Variants in SHC2 observed in about 807,000 individuals in gnomAD.
SHC2 encodes SHC adaptor protein 2.
A neutral mutation model predicts 60.6 loss-of-function variants in SHC2; 62 were observed. The ratio of observed to expected loss-of-function variants is 1.02; its 90% CI spans 0.83 to 1.26. SHC2 has a LOEUF of 1.26. Among genes scored for constraint, SHC2 ranks in the 50% most tolerant of loss-of-function variants. The pLI is 0.00. For missense variants in SHC2, 873 were observed against 822.2 expected (o/e 1.06, Z -0.76); for synonymous variants, 375 against 372.4 (o/e 1.01, Z -0.08).
intron 9 of SHC2, among the ~76,000 whole-genome samples, chr19:427,388 G>T (rs1026370423): frequency 5.3e-5 from 8 of 152,212 alleles, no homozygotes; most frequent in Admixed American, 4.6e-4. Context: ...AACGAGGGGC[G>T]CCTGCCGCGG....
Position 422,431 on chromosome 19 carries a change from C to A in SHC2, c.1335G>T (p.Leu445Phe). Reference protein sequence around the residue: ...DMRPFEDALKLHECSVAAGVT... With the variant: ...DMRPFEDALKFHECSVAAGVT... The stretch of plus-strand genomic sequence containing the variant: ...CGCCTGCCGCCACTGAGCACTCATG[C>A]AACTTCAGGGCATCCTCAAAGGGTC... The change falls in exon 11 of 13, where the codon TTG becomes TTT. Residue 445 changes from leucine to phenylalanine, a missense_variant. Leu to Phe is a conservative substitution (Grantham distance 22). Transcript: ENST00000264554. This position sits in a 1 kb window ranked among gnomAD's most constrained non-coding sequence, Gnocchi z 5.0. 6.3e-7 allele frequency: 1 copy of A among 1,576,564 alleles called. No homozygotes were observed. The highest frequency in any genetic ancestry group is 8.6e-7 in the Non-Finnish European group (1 of 1,160,756).
chr19:430,456 C>T (rs751296879), intron 9 of SHC2, among the ~76,000 whole-genome samples: 6 of 152,186 alleles, frequency 3.9e-5, no homozygotes, highest in African/African-American at 7.2e-5. Flanking sequence ...AAACCTAATA[C>T]CGTGTGGATA....
chr19:447,457 G>T (rs1006242886), intron 1 of SHC2, among the ~76,000 whole-genome samples: 1 of 152,226 alleles, frequency 6.6e-6, no homozygotes, highest in Admixed American at 6.5e-5. Flanking sequence ...TGGGATTAGG[G>T]TATGCGAATT....
rs530033549 is a variant in SHC2, at chr19:441,850, A to G, written c.469-918T>C. Among the ~76,000 whole-genome samples, 4 of 152,392 alleles carry G rather than the reference A, an allele frequency of 2.6e-5. No individual in the cohort carries two copies. The South Asian group carries it at 8.3e-4, about 32-fold the overall frequency. On this transcript the variant is annotated intron_variant, in intron 1 of 12. Transcript: ENST00000264554. This position sits in a 1 kb window ranked among gnomAD's most constrained non-coding sequence, Gnocchi z 4.9. ...CCACCTCAGTTTCTTTAAATGATCAACACGCAAACACTTTGACCCTGCAGC... is the reference window on the plus strand; with the variant it reads ...CCACCTCAGTTTCTTTAAATGATCAGCACGCAAACACTTTGACCCTGCAGC...
At chr19:437,071 G>A (rs1369642555) in intron 4 of SHC2, among the ~76,000 whole-genome samples, 3 of 152,050 alleles carry the variant, frequency 2.0e-5, no homozygotes, top group Admixed American at 6.5e-5. Context: ...CGGGAGGGAC[G>A]GCCCCACACT....
Position 436,169 on chromosome 19 carries a change from C to A in SHC2, c.949G>T (p.Glu317Ter). The part of the protein sequence containing the change: ...HSPPKVALPP[E>*]RLAGPEESAW... Reference sequence around the variant, plus strand: ...GGGGGAGGCAGCTCTGGTTACCTTTCTGGGGGCAGCGCCACCTTGGGCGGG... The same window carrying A: ...GGGGGAGGCAGCTCTGGTTACCTTTATGGGGGCAGCGCCACCTTGGGCGGG... Residue 317 changes from glutamate (E) to a stop codon, truncating the protein, a stop_gained, in exon 7 of 13, where the codon GAA becomes TAA. Coordinates refer to ENST00000264554, the MANE Select transcript of SHC2 (RefSeq NM_012435.3). LOFTEE classifies it high-confidence loss of function. 1 of 1,611,224 alleles carries A rather than the reference C, an allele frequency of 6.2e-7. No homozygotes were observed.
intron 1 of SHC2, among the ~76,000 whole-genome samples, chr19:451,067 A>T (rs1317054011): frequency 7.0e-6 from 1 of 143,264 alleles, no homozygotes; most frequent in African/African-American, 2.7e-5. Context: ...GTGGATGGCC[A>T]CGCCGTGGCC....
At chr19:418,555 C>T (rs928542199) in intron 12 of SHC2, among the ~76,000 whole-genome samples, 6 of 152,206 alleles carry the variant, frequency 3.9e-5, no homozygotes, top group South Asian at 2.1e-4. Context: ...GCCCGGGCCA[C>T]GGCGCAATGC....
intron 1 of SHC2, among the ~76,000 whole-genome samples, chr19:451,132 T>C (rs991175840): frequency 6.8e-6 from 1 of 146,454 alleles, no homozygotes; most frequent in African/African-American, 2.6e-5. Context: ...TATTTCAGTG[T>C]GTGGATGGCC....
Position 438,876 on chromosome 19 carries a change from TG to T in SHC2, c.601-40del, listed in dbSNP as rs765073629. 2.6e-6 allele frequency: 4 copies of T among 1,554,662 alleles called. No homozygotes were observed. Among genetic ancestry groups the T allele is most frequent in the East Asian group, 4.8e-5 (2 of 41,282 alleles). On this transcript the variant is annotated intron_variant, in intron 3 of 12. Coordinates refer to ENST00000264554, the MANE Select transcript of SHC2 (RefSeq NM_012435.3). This position sits in a 1 kb window ranked among gnomAD's most constrained non-coding sequence, Gnocchi z 5.0. ...GGAGCACAGCGAGGGCGGCTGTGGG[TG>T]GGGGCTGTCGAGGGGCTCCCAGGAT...
At chr19:419,666 G>A (rs1307269858) in intron 11 of SHC2, 1 of 152,274 alleles carries the variant, frequency 6.6e-6, no homozygotes, top group African/African-American at 2.4e-5. Flanking sequence ...AACCTCTGCT[G>A]CTTTAAGCCA....
Position 416,968 on chromosome 19 carries a change from C to G in SHC2, c.*360G>C, listed in dbSNP as rs1356395407. 1.3e-5 allele frequency: 2 copies of G among 152,706 alleles called. No homozygotes were observed. The highest frequency in any genetic ancestry group is 4.8e-5 in the African/African-American group (2 of 41,462). The allele number at this position is 152,706 out of a possible 1,614,324, so 9.5% of individuals were successfully genotyped here. On this transcript the variant is annotated 3_prime_UTR_variant, in exon 13 of 13. Transcript: ENST00000264554. Reference sequence around the variant, plus strand: ...CTCCCCAGGGTCCTGGGAGCCCTGACTCTCCGGGGCGTTAGACCGAACCAG... The same window carrying G: ...CTCCCCAGGGTCCTGGGAGCCCTGAGTCTCCGGGGCGTTAGACCGAACCAG...
In SHC2 at chr19:424,973, G is replaced by A. The variant is rs762211346; in HGVS notation, c.1309+124C>T. 54 of 1,091,678 alleles carry A rather than the reference G, an allele frequency of 4.9e-5. No individual in the cohort carries two copies. The highest frequency in any genetic ancestry group is 2.0e-4 in the East Asian group (7 of 34,618). 67.6% of individuals were successfully genotyped at this position (1,091,678 alleles called of 1,614,324 possible). On this transcript the variant is annotated intron_variant, in intron 10 of 12. Coordinates refer to ENST00000264554, the MANE Select transcript of SHC2 (RefSeq NM_012435.3). This position sits in a 1 kb window ranked among gnomAD's most constrained non-coding sequence, Gnocchi z 4.5. Reference sequence around the variant, plus strand: ...CACCCGTCGACTTGAAGGATCTCACGGGGAGAAGGGAGCCTCCCCCATCAG... The same window carrying A: ...CACCCGTCGACTTGAAGGATCTCACAGGGAGAAGGGAGCCTCCCCCATCAG...
At chr19:456,406 T>G (rs1164762725) in intron 1 of SHC2, among the ~76,000 whole-genome samples, 1 of 151,958 alleles carries the variant, frequency 6.6e-6, no homozygotes, top group Admixed American at 6.6e-5. Context: ...ATTGTCCACT[T>G]CTCCCCTCAC....
chr19:431,351 C>A (rs1179051757), intron 8 of SHC2, among the ~76,000 whole-genome samples: 1 of 136,578 alleles, frequency 7.3e-6, no homozygotes, highest in African/African-American at 3.0e-5. Flanking sequence ...TGAGTGAGAT[C>A]GTGAGTGAGA....
Position 441,072 on chromosome 19 carries a change from G to C in SHC2, c.469-140C>G. On this transcript the variant is annotated intron_variant, in intron 1 of 12. Transcript: ENST00000264554. This position sits in a 1 kb window ranked among gnomAD's most constrained non-coding sequence, Gnocchi z 4.9. ...TGTCCCTGGTGGCTCTGGGGCCGTC[G>C]TGCCTCCCCCACCTCAAGGCCCAGC... 2.0e-6 allele frequency: 3 copies of C among 1,491,166 alleles called. No homozygotes were observed. Among genetic ancestry groups the C allele is most frequent in the Non-Finnish European group, 2.7e-6 (3 of 1,113,302 alleles). 92.4% of individuals were successfully genotyped at this position (1,491,166 alleles called of 1,614,324 possible).
At chr19:418,798 G>A in intron 12 of SHC2, 125 bp downstream of exon 12, 1 of 1,077,040 alleles carries the variant, frequency 9.3e-7, no homozygotes. Context: ...CTCGGATGCT[G>A]AACACCCCTG....
chr19:429,875 G>A (rs1294277119), intron 9 of SHC2, among the ~76,000 whole-genome samples: 2 of 148,282 alleles, frequency 1.3e-5, no homozygotes, highest in Non-Finnish European at 3.0e-5. Flanking sequence ...TGTGGATGAC[G>A]CAGTACCTAT....
chr19:438,601 G>T lies in SHC2; in HGVS notation c.720+117C>A. 1 of 1,237,376 alleles carries T rather than the reference G, an allele frequency of 8.1e-7. No homozygotes were observed. Among genetic ancestry groups the T allele is most frequent in the South Asian group, 1.5e-5 (1 of 68,100 alleles). 76.6% of individuals were successfully genotyped at this position (1,237,376 alleles called of 1,614,324 possible). A position where few individuals can be genotyped will look rare whatever the true frequency, so the allele number is the denominator to read the frequency against. On this transcript the variant is annotated intron_variant, in intron 4 of 12. Coordinates refer to ENST00000264554, the MANE Select transcript of SHC2 (RefSeq NM_012435.3). The surrounding 1 kb of genome is among the most constrained non-coding windows in gnomAD (Gnocchi z 5.0). ...CTCCTGCTCAGCGGGGCCTCGGCTC[G>T]TCTTTCTGGATAAACGCCACCTGCT...
Sources: gnomAD v4.1 joint callset for allele counts (sites outside exome capture counted in the v4.1 genomes callset) on GRCh38, gnomAD v4.1.1 for gene constraint, Gnocchi (gnomAD v3.1) non-coding constraint, MANE v1.5 for transcripts, NCBI Gene and HGNC (gene_info 2026-07-23, HGNC 2026-07-21) for gene names.